The following GABRA6 variants were observed in gnomAD, a reference collection of about 807,000 sequenced individuals.
GABRA6 encodes the protein gamma-aminobutyric acid type A receptor subunit alpha6, also known as gamma-aminobutyric acid receptor subunit alpha-6.
Under a neutral mutation model 47.3 loss-of-function variants are expected in GABRA6, and 45 were observed. The ratio of observed to expected loss-of-function variants is 0.95; its 90% CI spans 0.75 to 1.22. The LOEUF (loss-of-function observed/expected upper bound fraction) is 1.22. Ranked by LOEUF, GABRA6 falls within the 50% of genes most tolerant of loss-of-function variation. The probability of loss-of-function intolerance (pLI) is 0.00; values close to 1 mark genes in which losing one functional copy is unlikely to be tolerated. For synonymous variants in GABRA6, 219 were observed against 194.7 expected (o/e 1.12, Z -1.04); for missense variants, 583 against 549.3 (o/e 1.06, Z -0.61).
intron 3 of GABRA6, chr5:161,687,547 A>G (rs1389514357): frequency 2.2e-6 from 1 of 456,036 alleles, no homozygotes; most frequent in Admixed American, 2.4e-5. Context: ...TAGCATTCAT[A>G]AGAGGGTATT....
At chr5:161,688,744 A>T (rs1754738386) in intron 3 of GABRA6, among the ~76,000 whole-genome samples, 1 of 152,224 alleles carries the variant, frequency 6.6e-6, no homozygotes, top group Non-Finnish European at 1.5e-5. Flanking sequence ...AAGTTTACAT[A>T]TCACAGCACT....
intron 8 of GABRA6, 125 bp downstream of exon 8, chr5:161,692,325 G>T: frequency 9.1e-7 from 1 of 1,095,460 alleles, no homozygotes. Flanking sequence ...GTAGTTTCAA[G>T]AGCAAGGCCA....
At chr5:161,688,488 G>A (rs1754734940) in intron 3 of GABRA6, among the ~76,000 whole-genome samples, 1 of 152,044 alleles carries the variant, frequency 6.6e-6, no homozygotes, top group Admixed American at 6.6e-5. Context: ...TATCAAGTAA[G>A]GTTTATCTAT....
chr5:161,691,939 A>T lies in GABRA6; in HGVS notation c.827-2A>T, dbSNP rs764521038. 6.2e-7 allele frequency: 1 copy of T among 1,612,766 alleles called. No homozygotes were observed. The highest frequency in any genetic ancestry group is 1.3e-5 in the African/African-American group (1 of 75,004). Reference sequence around the variant, plus strand: ...TACAATTCCTATTCTTTTTTATTTTAGGGATCACCACTGTTTTAACTATGA... The same window carrying T: ...TACAATTCCTATTCTTTTTTATTTTTGGGATCACCACTGTTTTAACTATGA... On this transcript the variant is annotated splice_acceptor_variant, in intron 7 of 8. Coordinates refer to ENST00000274545, the MANE Select transcript of GABRA6 (RefSeq NM_000811.3). LOFTEE classifies it high-confidence loss of function.
chr5:161,697,032 T>G (rs571987665), intron 8 of GABRA6, among the ~76,000 whole-genome samples: 1 of 152,176 alleles, frequency 6.6e-6, no homozygotes, highest in African/African-American at 2.4e-5. Context: ...CTAAACATCT[T>G]TTCCCTCTAT....
intron 8 of GABRA6, 132 bp downstream of exon 8, chr5:161,692,332 G>A (rs949253383): frequency 2.6e-5 from 27 of 1,022,712 alleles, no homozygotes; most frequent in Admixed American, 1.8e-4. Flanking sequence ...CAAGAGCAAG[G>A]CCAGTTTCTG....
chr5:161,699,575 T>TA (rs1754943420), intron 8 of GABRA6, among the ~76,000 whole-genome samples: 1 of 150,420 alleles, frequency 6.6e-6, no homozygotes, highest in Non-Finnish European at 1.5e-5. Context: ...TTTTTTTTTT[T>TA]AATGCAGTCT....
In GABRA6 at chr5:161,701,825, T is replaced by C. The variant is rs1476654791; in HGVS notation, c.*52T>C. 1.3e-6 allele frequency: 2 copies of C among 1,591,880 alleles called. No homozygotes were observed. The highest frequency in any genetic ancestry group is 1.7e-5 in the Admixed American group (1 of 59,950). On this transcript the variant is annotated 3_prime_UTR_variant, in exon 9 of 9. Transcript: ENST00000274545. ...ATAAGTTCTTGTTTTCTGTTTCCTA[T>C]GTTTTCTTAAAAAATAGCATTGAGA...
Position 161,689,091 on chromosome 5 carries a change from A to C in GABRA6, c.368A>C (p.Lys123Thr). The C allele has an allele frequency of 6.2e-7, 1 of 1,614,108 alleles. No homozygotes were observed. Residue 123 changes from lysine (K) to threonine (T), a missense_variant, in exon 4 of 9, where the codon AAG (lysine) becomes ACG (threonine). Physicochemically the swap from Lys to Thr is moderately conservative, Grantham distance 78. Transcript: ENST00000274545. Reference sequence around the variant, plus strand: ...GACACCTTTTTCAGAAATGGTAAAAAGTCCATTGCTCACAACATGACAACT... The same window carrying C: ...GACACCTTTTTCAGAAATGGTAAAACGTCCATTGCTCACAACATGACAACT... ...TPDTFFRNGK[K>T]SIAHNMTTPN...
rs1400096249 is a variant in GABRA6 at position 161,689,314 on chromosome 5, T to C, written c.507T>C (p.Ala169=). ...RLVNFPMDGH[A]CPLKFGSYAY... is the part of the protein sequence containing the mutation. ...TTAACTTTCCTATGGATGGGCATGCTTGTCCACTCAAGTTTGGGAGCTGTA... is the reference window on the plus strand; with the variant it reads ...TTAACTTTCCTATGGATGGGCATGCCTGTCCACTCAAGTTTGGGAGCTGTA... The change falls in exon 5 of 9, where the codon GCT becomes GCC. Residue 169 remains alanine (A), a synonymous_variant. Coordinates refer to ENST00000274545, the MANE Select transcript of GABRA6 (RefSeq NM_000811.3). 3 of 1,613,900 alleles carry C rather than the reference T, an allele frequency of 1.9e-6. No homozygotes were observed. Among genetic ancestry groups the C allele is most frequent in the South Asian group, 2.2e-5 (2 of 91,088 alleles).
chr5:161,691,973 A>C lies in GABRA6; in HGVS notation c.859A>C (p.Ser287Arg), dbSNP rs758265506. Residue 287 changes from serine (S) to arginine (R), a missense_variant, in exon 8 of 9, where the codon AGC becomes CGC. Ser to Arg is a moderately radical substitution (Grantham distance 110, BLOSUM62 -1). Coordinates refer to ENST00000274545, the MANE Select transcript of GABRA6 (RefSeq NM_000811.3). ...CACTGTTTTAACTATGACCACTTTG[A>C]GCATCAGTGCCCGGCACTCTTTGCC... ...ITTVLTMTTL[S>R]ISARHSLPKV... The C allele has an allele frequency of 1.9e-6, 3 of 1,613,760 alleles. No individual in the cohort carries two copies. The highest frequency in any genetic ancestry group is 2.5e-6 in the Non-Finnish European group (3 of 1,179,818).
rs1210101348 is a variant in GABRA6, at chr5:161,693,361, A to AT, written c.1086+1167dup. Reference sequence around the variant, plus strand: ...ATATGTAGAAATATATAATTTAAGGATTTTTTATTAGCCCTTATTTAAAAA... The same window carrying AT: ...ATATGTAGAAATATATAATTTAAGGATTTTTTTATTAGCCCTTATTTAAAAA... On this transcript the variant is annotated intron_variant, in intron 8 of 8. Transcript: ENST00000274545. Among the ~76,000 whole-genome samples the AT allele has an allele frequency of 5.3e-5, 8 of 152,174 alleles. No individual in the cohort carries two copies. In the East Asian group the frequency reaches 1.3e-3, roughly 26 times the overall value.
Position 161,690,334 on chromosome 5 carries a change from C to A in GABRA6, c.807C>A (p.Val269=), listed in dbSNP as rs376167806. ...CTTTCTGGATTAATAAGGAGTCCGT[C>A]CCAGCAAGAACTGTTTTTGGTATAT... ...QVSFWINKES[V]PARTVFGITT... The change falls in exon 7 of 9, where the codon GTC becomes GTA. Residue 269 remains valine, a synonymous_variant. Coordinates refer to ENST00000274545, the MANE Select transcript of GABRA6 (RefSeq NM_000811.3). The A allele has an allele frequency of 1.5e-5, 24 of 1,613,446 alleles. No individual in the cohort carries two copies. The highest frequency in any genetic ancestry group is 1.9e-5 in the Non-Finnish European group (23 of 1,179,840).
chr5:161,693,480 A>C (rs1018051741), intron 8 of GABRA6, among the ~76,000 whole-genome samples: 10 of 152,258 alleles, frequency 6.6e-5, no homozygotes, highest in Non-Finnish European at 1.5e-4. Flanking sequence ...GGAAAATATT[A>C]GTTTCTAGTT....
intron 8 of GABRA6, among the ~76,000 whole-genome samples, chr5:161,698,308 A>T (rs1754918344): frequency 6.6e-6 from 1 of 152,144 alleles, no homozygotes; most frequent in South Asian, 2.1e-4. Context: ...CATAATAACT[A>T]GGCAGAAAAA....
rs1554115829 is a variant in GABRA6 at position 161,691,961 on chromosome 5, A to G, written c.847A>G (p.Met283Val). 9.3e-6 allele frequency: 15 copies of G among 1,614,000 alleles called. No homozygotes were observed. Among genetic ancestry groups the G allele is most frequent in the Non-Finnish European group, 1.3e-5 (15 of 1,179,854 alleles). ...TVFGITTVLT[M>V]TTLSISARHS... Reference sequence around the variant, plus strand: ...TTTAGGGATCACCACTGTTTTAACTATGACCACTTTGAGCATCAGTGCCCG... The same window carrying G: ...TTTAGGGATCACCACTGTTTTAACTGTGACCACTTTGAGCATCAGTGCCCG... Residue 283 changes from methionine (M) to valine (V), a missense_variant, in exon 8 of 9, where the codon ATG (methionine) becomes GTG (valine). Physicochemically the swap from Met to Val is conservative, Grantham distance 21. Transcript: ENST00000274545.
intron 3 of GABRA6, among the ~76,000 whole-genome samples, chr5:161,688,073 G>A (rs1351362198): frequency 6.6e-6 from 1 of 152,068 alleles, no homozygotes; most frequent in Admixed American, 6.6e-5. Flanking sequence ...TATACTTAGT[G>A]TTCTATCTTA....
At chr5:161,687,638 C>A in intron 3 of GABRA6, 1 of 395,760 alleles carries the variant, frequency 2.5e-6, no homozygotes, top group South Asian at 1.8e-5. Context: ...TCTCAGGTGG[C>A]ATTTCTCTCT....
chr5:161,690,406 T>G (rs1288616736), intron 7 of GABRA6, 53 bp downstream of exon 7: 6 of 1,547,470 alleles, frequency 3.9e-6, no homozygotes, highest in African/African-American at 1.4e-5. Context: ...CTTTCATTGC[T>G]TGTGTATTTT....
Sources: gnomAD v4.1 joint callset for allele counts (sites outside exome capture counted in the v4.1 genomes callset) on GRCh38, gnomAD v4.1.1 for gene constraint, MANE v1.5 for transcripts, NCBI Gene and HGNC (gene_info 2026-07-23, HGNC 2026-07-21) for gene names.